The following PKP4 variants were observed in gnomAD, a reference collection of about 807,000 sequenced individuals.
PKP4 encodes the protein plakophilin-4.
Under a neutral mutation model 145.1 loss-of-function variants are expected in PKP4, and 90 were observed. The observed-to-expected ratio is 0.62, with a 90% CI of 0.52 to 0.74. The LOEUF is 0.74. Ranked by LOEUF, PKP4 falls within the 30% of genes least tolerant of loss-of-function variation. The pLI is 0.00. For synonymous variants in PKP4, 563 were observed against 577.2 expected (o/e 0.98, Z 0.35); for missense variants, 1,340 against 1,482.7 (o/e 0.90, Z 1.58).
intron 1 of PKP4, among the ~76,000 whole-genome samples, chr2:158,475,276 A>G (rs1177140377): frequency 6.6e-6 from 1 of 152,202 alleles, no homozygotes; most frequent in Admixed American, 6.5e-5. Flanking sequence ...ATTTTTTGAT[A>G]ACATATCTAT....
chr2:158,624,215 C>A lies in PKP4; in HGVS notation c.604-663C>A, dbSNP rs141793934. Among the ~76,000 whole-genome samples the A allele has an allele frequency of 1.6e-4, 24 of 152,238 alleles. No individual in the cohort carries two copies. In the East Asian group the frequency reaches 3.7e-3, roughly 23 times the overall value. On this transcript the variant is annotated intron_variant, in intron 6 of 21. Transcript: ENST00000389759. ...GCTAAAGTGAGAAGCTATGCTTGAT[C>A]TAAAGGAATCAACAAATTTGCCTAG...
chr2:158,482,912 G>A (rs2111880), intron 1 of PKP4, among the ~76,000 whole-genome samples: 97,000 of 151,904 alleles, frequency 0.64, 31,993 homozygotes, highest in East Asian at 0.9. Flanking sequence ...ACCTGTATGT[G>A]TTATTAAAGT....
chr2:158,579,318 C>A (rs1041475772), intron 3 of PKP4, among the ~76,000 whole-genome samples: 6 of 152,052 alleles, frequency 3.9e-5, no homozygotes, highest in African/African-American at 1.5e-4. Context: ...GCTAAGGAAT[C>A]CAGACGAGAG....
chr2:158,562,844 C>G (rs975890229), intron 2 of PKP4, among the ~76,000 whole-genome samples: 4 of 152,110 alleles, frequency 2.6e-5, no homozygotes, highest in African/African-American at 9.7e-5. Flanking sequence ...ATTGGGTCCT[C>G]TTGCGTGTTT....
intron 1 of PKP4, among the ~76,000 whole-genome samples, chr2:158,483,389 G>A (rs201895817): frequency 0.051 from 7,074 of 139,374 alleles, 385 homozygotes; most frequent in East Asian, 0.15. Context: ...AAATCATTTT[G>A]TCTTCTCATT....
intron 1 of PKP4, among the ~76,000 whole-genome samples, chr2:158,476,188 G>A (rs1315941244): frequency 2.6e-5 from 4 of 152,138 alleles, no homozygotes; most frequent in East Asian, 1.9e-4. Context: ...TTGTATCTTA[G>A]TAACTGAATT....
rs574160909 is a variant in PKP4, at chr2:158,673,459, C to T, written c.2925-218C>T. On this transcript the variant is annotated intron_variant, in intron 17 of 21. Coordinates refer to ENST00000389759, the MANE Select transcript of PKP4 (RefSeq NM_003628.6). Reference sequence around the variant, plus strand: ...ACAGCTGCTCCACAGAGCTCACTGCCTGATGGCCTCACTTCAGTTCTTGCC... The same window carrying T: ...ACAGCTGCTCCACAGAGCTCACTGCTTGATGGCCTCACTTCAGTTCTTGCC... Among the ~76,000 whole-genome samples the T allele has an allele frequency of 2.6e-5, 4 of 152,346 alleles. No individual in the cohort carries two copies. In the East Asian group the frequency reaches 5.8e-4, roughly 22 times the overall value.
At chr2:158,564,703 C>T (rs535475107) in intron 2 of PKP4, among the ~76,000 whole-genome samples, 1 of 152,226 alleles carries the variant, frequency 6.6e-6, no homozygotes, top group South Asian at 2.1e-4. Context: ...AAAATGACAT[C>T]TCATTGTTAT....
At position 158,625,131 on chromosome 2, in the gene PKP4, G is replaced by C; in HGVS notation, c.857G>C (p.Arg286Pro). ...SQRPASPTAI[R>P]RIGSVTSRQT... is the part of the protein sequence containing the mutation. ...AGACCCGCCTCCCCAACAGCTATAC[G>C]GCGGATTGGGTCAGTCACCTCCCGG... Residue 286 changes from arginine to proline, a missense_variant, in exon 7 of 22, where the codon CGG (arginine) becomes CCG (proline). Transcript: ENST00000389759. 6.2e-7 allele frequency: 1 copy of C among 1,614,080 alleles called. No homozygotes were observed. The highest frequency in any genetic ancestry group is 2.2e-5 in the East Asian group (1 of 44,850).
intron 3 of PKP4, among the ~76,000 whole-genome samples, chr2:158,587,134 C>G (rs2048869357): frequency 6.6e-6 from 1 of 152,032 alleles, no homozygotes; most frequent in African/African-American, 2.4e-5. Context: ...CAAAAAAGAT[C>G]AGGTTAATAG....
chr2:158,543,303 A>G (rs756605112), intron 2 of PKP4, among the ~76,000 whole-genome samples: 24 of 152,140 alleles, frequency 1.6e-4, no homozygotes, highest in Non-Finnish European at 3.4e-4. Context: ...TTATCTTTGT[A>G]TTTTTGTGGA....
rs77988789 is a variant in PKP4 at position 158,547,070 on chromosome 2, G to A, written c.132+13754G>A. Reference sequence around the variant, plus strand: ...TGACTTTTACATTTTTGGGCCATGGGGGGGCAGTGGTAAGTGTAAGATGGC... The same window carrying A: ...TGACTTTTACATTTTTGGGCCATGGAGGGGCAGTGGTAAGTGTAAGATGGC... On this transcript the variant is annotated intron_variant, in intron 2 of 21. Coordinates refer to ENST00000389759, the MANE Select transcript of PKP4 (RefSeq NM_003628.6). Among the ~76,000 whole-genome samples the A allele has an allele frequency of 7.9e-5, 12 of 152,090 alleles. No individual in the cohort carries two copies. The East Asian group carries it at 1.5e-3, about 20-fold the overall frequency.
At chr2:158,528,750 C>G (rs2043224737) in intron 1 of PKP4, among the ~76,000 whole-genome samples, 1 of 148,602 alleles carries the variant, frequency 6.7e-6, no homozygotes, top group Non-Finnish European at 1.5e-5. Context: ...CACAGATATG[C>G]ATACCCACAC....
chr2:158,549,262 A>G, intron 2 of PKP4: 1 of 154,904 alleles, frequency 6.5e-6, no homozygotes, highest in Non-Finnish European at 1.4e-5. Flanking sequence ...AAAAATAACA[A>G]AAATTCTCCT....
intron 9 of PKP4, among the ~76,000 whole-genome samples, chr2:158,637,350 A>G (rs2105923846): frequency 6.6e-6 from 1 of 152,302 alleles, no homozygotes; most frequent in South Asian, 2.1e-4. Flanking sequence ...GTACCTGTTC[A>G]GCCTTGAGCC....
chr2:158,646,077 T>A (rs1197753261), intron 11 of PKP4, among the ~76,000 whole-genome samples: 2 of 152,330 alleles, frequency 1.3e-5, no homozygotes, highest in Admixed American at 6.5e-5. Flanking sequence ...CAGAAAGAGC[T>A]GTTTTCCTAA....
In PKP4 at chr2:158,634,065, T is replaced by C; in HGVS notation, c.1343-5T>C. On this transcript the variant is annotated splice_region_variant and splice_polypyrimidine_tract_variant and intron_variant, in intron 8 of 21. Transcript: ENST00000389759. ...CTAATCTTTTTCAAAATGTTGACTT[T>C]CTAGTAGGTATTGGAAATCTACAAA... 1.9e-6 allele frequency: 3 copies of C among 1,539,622 alleles called. No individual in the cohort carries two copies. The highest frequency in any genetic ancestry group is 2.7e-6 in the Non-Finnish European group (3 of 1,112,372).
intron 3 of PKP4, among the ~76,000 whole-genome samples, chr2:158,587,255 T>C (rs1015418080): frequency 6.6e-6 from 1 of 152,136 alleles, no homozygotes; most frequent in Non-Finnish European, 1.5e-5. Flanking sequence ...GGCCCATACA[T>C]CTAAAATATG....
At chr2:158,626,291 T>C (rs915087495) in intron 7 of PKP4, among the ~76,000 whole-genome samples, 5 of 152,230 alleles carry the variant, frequency 3.3e-5, no homozygotes, top group Non-Finnish European at 7.3e-5. Flanking sequence ...TTGATGGAAT[T>C]CTATCATATA....
Sources: allele counts gnomAD v4.1 joint callset (sites outside exome capture counted in the v4.1 genomes callset), GRCh38; gene constraint gnomAD v4.1.1; transcripts MANE v1.5; gene names NCBI Gene and HGNC (gene_info 2026-07-23, HGNC 2026-07-21).